PM20D1: variants seen among roughly 807,000 people sequenced by gnomAD.
PM20D1 encodes the protein peptidase M20 domain containing 1.
Under a neutral mutation model 53.8 loss-of-function variants are expected in PM20D1, and 53 were observed. The observed-to-expected ratio is 0.98, with a 90% CI of 0.79 to 1.24. The LOEUF (loss-of-function observed/expected upper bound fraction) is 1.24. Ranked by LOEUF, PM20D1 falls within the 50% of genes most tolerant of loss-of-function variation. The pLI, the probability that PM20D1 is intolerant of heterozygous loss-of-function variation, is 0.00. For missense variants in PM20D1, 564 were observed against 616.8 expected (o/e 0.91, Z 0.91); for synonymous variants, 239 against 241.3 (o/e 0.99, Z 0.09).
chr1:205,845,024 A>G, intron 3 of PM20D1, 127 bp from the exon 4 acceptor site: 1 of 794,082 alleles, frequency 1.3e-6, no homozygotes, highest in South Asian at 1.7e-5. Context: ...TTCTCTTGAA[A>G]GAGAACAGAT....
Position 205,844,791 on chromosome 1 carries a change from A to G in PM20D1, c.576+20T>C, listed in dbSNP as rs1256102219. 5 of 1,602,940 alleles carry G rather than the reference A, an allele frequency of 3.1e-6. No individual in the cohort carries two copies. The highest frequency in any genetic ancestry group is 2.7e-5 in the African/African-American group (2 of 74,676). ...CCCTCAACAGAGGACAGAGATAGGT[A>G]TAAGGTGAGGAGGCTCTACCTCCTC... On this transcript the variant is annotated intron_variant, in intron 4 of 12. Transcript: ENST00000367136.
chr1:205,832,136 CAG>C (rs1030556311), intron 11 of PM20D1, among the ~76,000 whole-genome samples: 6 of 152,120 alleles, frequency 3.9e-5, no homozygotes, highest in Admixed American at 3.3e-4. Context: ...AGAAGGGGAA[CAG>C]AGGGGTGCTG....
At position 205,846,454 on chromosome 1, in the gene PM20D1, C is replaced by T. The variant is rs138953352; in HGVS notation, c.257-897G>A. Among the ~76,000 whole-genome samples, 68 of 152,298 alleles carry T rather than the reference C, an allele frequency of 4.5e-4. No homozygotes were observed. The East Asian group carries it at 0.012, about 26-fold the overall frequency. On this transcript the variant is annotated intron_variant, in intron 2 of 12. Transcript: ENST00000367136. ...CAGGCTTGGTCAGACCTATAACATGCTATCACAAGTACGTGTTAAAGGGCT... is the reference window on the plus strand; with the variant it reads ...CAGGCTTGGTCAGACCTATAACATGTTATCACAAGTACGTGTTAAAGGGCT...
chr1:205,849,270 A>C (rs1265013632), intron 1 of PM20D1, among the ~76,000 whole-genome samples: 1 of 152,172 alleles, frequency 6.6e-6, no homozygotes, highest in Non-Finnish European at 1.5e-5. Flanking sequence ...CAGATTCAGA[A>C]CAGGGATGAA....
Position 205,829,239 on chromosome 1 carries a change from G to A in PM20D1, c.1386-496C>T, listed in dbSNP as rs377690923. The stretch of plus-strand genomic sequence containing the variant: ...AGATGGAGTCTCATTATGTTGCCCA[G>A]GCTGGTCTCAAACTTCTGGGCTCAA... On this transcript the variant is annotated intron_variant, in intron 12 of 12. Coordinates refer to ENST00000367136, the MANE Select transcript of PM20D1 (RefSeq NM_152491.5). Among the ~76,000 whole-genome samples, 46 of 152,162 alleles carry A rather than the reference G, an allele frequency of 3.0e-4. 1 individual carries two copies. In the South Asian group the frequency reaches 8.1e-3, roughly 27 times the overall value.
At chr1:205,828,843 G>A in intron 12 of PM20D1, 100 bp from the exon 13 acceptor site, 1 of 1,461,028 alleles carries the variant, frequency 6.8e-7, no homozygotes, top group Non-Finnish European at 9.3e-7. Context: ...CACCAACCCG[G>A]AAACTACTGG....
At chr1:205,844,013 C>T in intron 5 of PM20D1, 74 bp downstream of exon 5, 32 of 1,543,718 alleles carry the variant, frequency 2.1e-5, no homozygotes, top group Non-Finnish European at 2.7e-5. Flanking sequence ...GCATGGCTCA[C>T]AGATACCAGG....
At position 205,849,941 on chromosome 1, in the gene PM20D1, G is replaced by C. The variant is rs1264478817; in HGVS notation, c.132C>G (p.Ser44Arg). 2 of 1,614,014 alleles carry C rather than the reference G, an allele frequency of 1.2e-6. No homozygotes were observed. The highest frequency in any genetic ancestry group is 1.7e-6 in the Non-Finnish European group (2 of 1,179,922). ...QRASRIPSQF[S>R]KEERVAMKEA... ...CTTTCATCGCGACGCGTTCCTCTTT[G>C]CTGAACTGAGAAGGGATTCGCGACG... The change falls in exon 1 of 13, where the codon AGC becomes AGG. Residue 44 changes from serine to arginine, a missense_variant. Transcript: ENST00000367136.
At chr1:205,838,948 C>T (rs1656744767) in intron 10 of PM20D1, among the ~76,000 whole-genome samples, 1 of 152,188 alleles carries the variant, frequency 6.6e-6, no homozygotes, top group African/African-American at 2.4e-5. Context: ...CAGTCCAGAC[C>T]TTCACATGCA....
rs761092796 is a variant in PM20D1, at chr1:205,832,726, A to G, written c.1157T>C (p.Val386Ala). ...LTKNIVADNR[V>A]QFHVLSAFDP... is the part of the protein sequence containing the mutation. ...AAAGGCACTCAACACATGGAACTGG[A>G]CTCTGTTATCAGCCACAATGTTCTT... The change falls in exon 11 of 13, where the codon GTC (valine) becomes GCC (alanine). Residue 386 changes from valine to alanine, a missense_variant. By Grantham distance (64) the Val-to-Ala change is moderately conservative. Transcript: ENST00000367136. The G allele has an allele frequency of 3.1e-6, 5 of 1,612,112 alleles. No individual in the cohort carries two copies. The South Asian group carries it at 3.3e-5, about 11-fold the overall frequency.
chr1:205,838,154 C>G (rs1656725054), intron 10 of PM20D1, among the ~76,000 whole-genome samples: 1 of 152,230 alleles, frequency 6.6e-6, no homozygotes, highest in Non-Finnish European at 1.5e-5. Flanking sequence ...CCAAGTGCCA[C>G]TGACCCTTGA....
Position 205,847,983 on chromosome 1 carries a change from A to C in PM20D1, c.170-12T>G, listed in dbSNP as rs1426488362. The C allele has an allele frequency of 1.2e-6, 2 of 1,603,544 alleles. No individual in the cohort carries two copies. The highest frequency in any genetic ancestry group is 1.7e-6 in the Non-Finnish European group (2 of 1,172,036). ...AATCTGGATGGCACCTGTCAGAGTCAAATAGAGATGAAAGATTGAAAATGA... is the reference window on the plus strand; with the variant it reads ...AATCTGGATGGCACCTGTCAGAGTCCAATAGAGATGAAAGATTGAAAATGA... On this transcript the variant is annotated splice_polypyrimidine_tract_variant and intron_variant, in intron 1 of 12. Transcript: ENST00000367136.
At chr1:205,830,190 T>G in intron 12 of PM20D1, 90 bp downstream of exon 12, 2 of 1,010,496 alleles carry the variant, frequency 2.0e-6, no homozygotes, top group Non-Finnish European at 3.1e-6. Flanking sequence ...TCCCCCTGAT[T>G]CTGTGGACTG....
At chr1:205,849,746 GAT>G (rs2102533822) in intron 1 of PM20D1, among the ~76,000 whole-genome samples, 156 bp downstream of exon 1, 1 of 152,180 alleles carries the variant, frequency 6.6e-6, no homozygotes, top group East Asian at 1.9e-4. Context: ...ACAGGGGCAC[GAT>G]GTGCTGGGAA....
In PM20D1 at chr1:205,832,683, G is replaced by C; in HGVS notation, c.1200C>G (p.Ser400Arg). 6.2e-7 allele frequency: 1 copy of C among 1,614,128 alleles called. No individual in the cohort carries two copies. Among genetic ancestry groups the C allele is most frequent in the Non-Finnish European group, 8.5e-7 (1 of 1,180,006 alleles). The change falls in exon 11 of 13, where the codon AGC becomes AGG. Residue 400 changes from serine to arginine, a missense_variant. Coordinates refer to ENST00000367136, the MANE Select transcript of PM20D1 (RefSeq NM_152491.5). Reference protein sequence around the residue: ...VLSAFDPLPVSPSDDKALGYQ... With the variant: ...VLSAFDPLPVRPSDDKALGYQ... ...AGCCCAAGGCCTTGTCATCAGAAGG[G>C]CTGACGGGGAGGGGGTCAAAGGCAC...
chr1:205,844,688 G>T, intron 4 of PM20D1, 123 bp downstream of exon 4: 1 of 798,182 alleles, frequency 1.3e-6, no homozygotes, highest in Non-Finnish European at 2.0e-6. Flanking sequence ...GACACACGGA[G>T]AAGTTGGCAA....
chr1:205,848,001 G>T (rs779526794), intron 1 of PM20D1, 30 bp from the exon 2 acceptor site: 2 of 1,590,006 alleles, frequency 1.3e-6, no homozygotes, highest in Non-Finnish European at 1.7e-6. Context: ...ATGAAAGATT[G>T]AAAATGAATT....
intron 10 of PM20D1, 62 bp from the exon 11 acceptor site, chr1:205,832,828 G>A: frequency 6.8e-7 from 1 of 1,465,866 alleles, no homozygotes; most frequent in African/African-American, 1.4e-5. Flanking sequence ...TACAATATGG[G>A]CTTAAATATC....
In PM20D1 at chr1:205,841,803, G is replaced by A; in HGVS notation, c.1044+8C>T. The A allele has an allele frequency of 6.4e-7, 1 of 1,560,884 alleles. No homozygotes were observed. Among genetic ancestry groups the A allele is most frequent in the South Asian group, 1.2e-5 (1 of 85,110 alleles). On this transcript the variant is annotated splice_region_variant and intron_variant, in intron 9 of 12. Coordinates refer to ENST00000367136, the MANE Select transcript of PM20D1 (RefSeq NM_152491.5). Reference sequence around the variant, plus strand: ...AAAAGCTATATGGGGAGGAACCAGGGATGTTACCTTGACCCCTGCTTTGAA... The same window carrying A: ...AAAAGCTATATGGGGAGGAACCAGGAATGTTACCTTGACCCCTGCTTTGAA...
Sources: allele counts gnomAD v4.1 joint callset (sites outside exome capture counted in the v4.1 genomes callset), GRCh38; gene constraint gnomAD v4.1.1; transcripts MANE v1.5; gene names NCBI Gene and HGNC (gene_info 2026-07-23, HGNC 2026-07-21).